The following SMC4 variants were observed in gnomAD, a reference collection of about 807,000 sequenced individuals.
The protein encoded by SMC4 is structural maintenance of chromosomes protein 4.
Under a neutral mutation model 145.6 loss-of-function variants are expected in SMC4, and 87 were observed. The observed-to-expected ratio is 0.60, with a 90% confidence interval of 0.50 to 0.71. The LOEUF (loss-of-function observed/expected upper bound fraction) is 0.71, where lower values mean the gene tolerates loss of function less well. Among genes scored for constraint, SMC4 ranks in the 30% least tolerant of loss-of-function variants. The pLI is 0.00. For missense variants in SMC4, 1,447 were observed against 1,537.1 expected (o/e 0.94, Z 0.98); for synonymous variants, 558 against 500.7 (o/e 1.11, Z -1.53).
Position 160,426,170 on chromosome 3 carries a change from C to G in SMC4, c.2575C>G (p.Leu859Val). ...TAPDKKKQKL[L>V]EENVSAFKTE... ...CCCTGACAAAAAAAAGCAGAAATTG[C>G]TAGAAGAAAACGTTAGTGCTTTCAA... Residue 859 changes from leucine (L) to valine (V), a missense_variant, in exon 17 of 24, where the codon CTA becomes GTA. Leu to Val is a conservative substitution (Grantham distance 32). Coordinates refer to ENST00000357388, the MANE Select transcript of SMC4 (RefSeq NM_001002800.3). The G allele has an allele frequency of 6.2e-7, 1 of 1,608,960 alleles. No individual in the cohort carries two copies. The highest frequency in any genetic ancestry group is 8.5e-7 in the Non-Finnish European group (1 of 1,177,678).
At chr3:160,419,234 T>C (rs185413670) in intron 11 of SMC4, 124 bp from the exon 12 acceptor site, 156 of 682,798 alleles carry the variant, frequency 2.3e-4, no homozygotes, top group Non-Finnish European at 3.1e-4. Flanking sequence ...TCAGTTTTGG[T>C]TCAAATTTTT....
rs753086451 is a variant in SMC4 at position 160,431,655 on chromosome 3, T to A, written c.3127T>A (p.Ser1043Thr). ...ATTGAACTTTTAGATTTCAAAAATATCACTGCATCCTATAGAAGATAATCC... is the reference window on the plus strand; with the variant it reads ...ATTGAACTTTTAGATTTCAAAAATAACACTGCATCCTATAGAAGATAATCC... ...KYWHKEISKI[S>T]LHPIEDNPIE... Residue 1043 changes from serine (S) to threonine (T), a missense_variant, in exon 21 of 24, where the codon TCA becomes ACA. Transcript: ENST00000357388. The A allele has an allele frequency of 1.9e-6, 3 of 1,580,804 alleles. No homozygotes were observed. Among genetic ancestry groups the A allele is most frequent in the Non-Finnish European group, 2.6e-6 (3 of 1,170,562 alleles).
chr3:160,427,678 AT>A (rs1304502867), intron 17 of SMC4, among the ~76,000 whole-genome samples: 1 of 152,202 alleles, frequency 6.6e-6, no homozygotes, highest in Non-Finnish European at 1.5e-5. Context: ...TGGAGGACCC[AT>A]TTGTGCAAGC....
intron 5 of SMC4, among the ~76,000 whole-genome samples, chr3:160,410,942 T>G (rs1270799117): frequency 6.6e-6 from 1 of 152,216 alleles, no homozygotes; most frequent in African/African-American, 2.4e-5. Flanking sequence ...GGTATATCTT[T>G]TTTCATTTGC....
chr3:160,433,426 G>GT, intron 23 of SMC4: 2 of 538,284 alleles, frequency 3.7e-6, no homozygotes, highest in Non-Finnish European at 6.5e-6. Context: ...ATGCAAATTA[G>GT]TAGCAGAATC....
At chr3:160,408,393 A>C (rs1274113875) in intron 5 of SMC4, among the ~76,000 whole-genome samples, 1 of 152,264 alleles carries the variant, frequency 6.6e-6, no homozygotes, top group East Asian at 1.9e-4. Flanking sequence ...TTTGCCACTC[A>C]AGAAAGTGTT....
intron 13 of SMC4, among the ~76,000 whole-genome samples, 153 bp downstream of exon 13, chr3:160,421,054 C>G (rs549249804): frequency 6.6e-6 from 1 of 152,176 alleles, no homozygotes; most frequent in Non-Finnish European, 1.5e-5. Context: ...CTCAGCCTCC[C>G]GAGTATCTGG....
chr3:160,404,469 A>C lies in SMC4; in HGVS notation c.652A>C (p.Ile218Leu), dbSNP rs1487064622. Residue 218 changes from isoleucine to leucine, a missense_variant, in exon 5 of 24, where the codon ATT (isoleucine) becomes CTT (leucine). Physicochemically the swap from Ile to Leu is conservative, Grantham distance 5. Transcript: ENST00000357388. ...DVGNLLRSHGIDLDHNRFLIL... is the reference protein window; with the variant it reads ...DVGNLLRSHGLDLDHNRFLIL... ...TGGAAATCTTCTTCGAAGCCATGGA[A>C]TTGACTTGGACCATAATAGATTTTT... 15 of 1,609,776 alleles carry C rather than the reference A, an allele frequency of 9.3e-6. No individual in the cohort carries two copies. The highest frequency in any genetic ancestry group is 1.3e-5 in the Non-Finnish European group (15 of 1,178,674).
chr3:160,423,349 GTTTT>G (rs369027493), intron 13 of SMC4, 72 bp from the exon 14 acceptor site: 5 of 812,588 alleles, frequency 6.2e-6, no homozygotes, highest in South Asian at 3.9e-5. Context: ...ATTCCTATGG[GTTTT>G]TTTTTGTTTT....
intron 17 of SMC4, among the ~76,000 whole-genome samples, 174 bp from the exon 18 acceptor site, chr3:160,428,579 A>G (rs1402547652): frequency 6.6e-6 from 1 of 151,652 alleles, no homozygotes; most frequent in African/African-American, 2.4e-5. Flanking sequence ...TTGTTGTAAC[A>G]CCATTTGTTT....
chr3:160,423,523 A>G lies in SMC4; in HGVS notation c.2118A>G (p.Gln706=), dbSNP rs199643843. The change falls in exon 14 of 24, where the codon CAA becomes CAG. Residue 706 remains glutamine, a synonymous_variant. Transcript: ENST00000357388. ...LVKVKDEKIR[Q]AFYFALRDTL... ...AAGTAAAAGATGAGAAAATTCGCCA[A>G]GCTTTTTATTTTGCTTTACGAGATA... The G allele has an allele frequency of 6.2e-7, 1 of 1,613,830 alleles. No homozygotes were observed. Among genetic ancestry groups the G allele is most frequent in the African/African-American group, 1.3e-5 (1 of 75,006 alleles).
At position 160,428,949 on chromosome 3, in the gene SMC4, T is replaced by C; in HGVS notation, c.2795+7T>C. On this transcript the variant is annotated splice_region_variant and intron_variant, in intron 18 of 23. Transcript: ENST00000357388. Reference sequence around the variant, plus strand: ...CAATCAAGACTGCTGACAGGTAGAGTATGCATGTTACCCTAACTTGTTTTC... The same window carrying C: ...CAATCAAGACTGCTGACAGGTAGAGCATGCATGTTACCCTAACTTGTTTTC... The C allele has an allele frequency of 6.4e-7, 1 of 1,568,366 alleles. No homozygotes were observed.
At position 160,433,807 on chromosome 3, in the gene SMC4, T is replaced by G; in HGVS notation, c.3865T>G (p.Ter1289GlyextTer4). Residue 1289 changes from the stop codon to glycine, a stop_lost, in exon 24 of 24, where the codon TGA (stop) becomes GGA (glycine). Coordinates refer to ENST00000357388, the MANE Select transcript of SMC4 (RefSeq NM_001002800.3). ...AGAAATTGCATCTAAGGGACTTTGT[T>G]GAACTTTATGCTGAAGATTCTTCAA... is the stretch of plus-strand genomic sequence containing the variant. Reference protein sequence around the residue: ...PKEIASKGLC* With the variant: ...PKEIASKGLCG The G allele has an allele frequency of 6.2e-7, 1 of 1,600,774 alleles. No individual in the cohort carries two copies.
intron 5 of SMC4, among the ~76,000 whole-genome samples, chr3:160,410,788 A>T (rs1715903517): frequency 1.3e-5 from 2 of 152,174 alleles, no homozygotes; most frequent in South Asian, 4.1e-4. Flanking sequence ...AGTAAGTTTT[A>T]CCCCACATTT....
intron 13 of SMC4, among the ~76,000 whole-genome samples, chr3:160,423,214 T>G (rs1717369095): frequency 6.6e-6 from 1 of 152,178 alleles, no homozygotes; most frequent in Non-Finnish European, 1.5e-5. Flanking sequence ...AATTTGTAGA[T>G]CAGTTTAGAT....
At chr3:160,411,736 C>T (rs1716007675) in intron 5 of SMC4, 184 bp from the exon 6 acceptor site, 2 of 469,822 alleles carry the variant, frequency 4.3e-6, no homozygotes, top group East Asian at 6.4e-5. Flanking sequence ...AAAATTAAAA[C>T]TCTTAGGAAT....
chr3:160,411,416 G>A (rs1715979669), intron 5 of SMC4, among the ~76,000 whole-genome samples: 1 of 152,154 alleles, frequency 6.6e-6, no homozygotes, highest in East Asian at 1.9e-4. Flanking sequence ...AACCATGTTT[G>A]TAGAGAAAGT....
In SMC4 at chr3:160,423,806, G is replaced by T. The variant is rs1387796029; in HGVS notation, c.2291G>T (p.Gly764Val). Residue 764 changes from glycine to valine, a missense_variant, in exon 15 of 24, where the codon GGT becomes GTT. Gly to Val is a moderately radical substitution (Grantham distance 109). Transcript: ENST00000357388. ...AGCAAAGTAATGAAAGGAAGAATGG[G>T]TTCCTCACTTGTTATTGAAATCTCT... ...GGSKVMKGRMGSSLVIEISEE... is the reference protein window; with the variant it reads ...GGSKVMKGRMVSSLVIEISEE... The T allele has an allele frequency of 4.3e-6, 7 of 1,613,182 alleles. No individual in the cohort carries two copies. The highest frequency in any genetic ancestry group is 5.9e-6 in the Non-Finnish European group (7 of 1,179,726).
At chr3:160,414,902 A>G (rs566624544) in intron 9 of SMC4, among the ~76,000 whole-genome samples, 1 of 152,320 alleles carries the variant, frequency 6.6e-6, no homozygotes, top group African/African-American at 2.4e-5. Context: ...TTACAATAAT[A>G]TGTTATTGGG....
Sources: gnomAD v4.1 joint callset for allele counts (sites outside exome capture counted in the v4.1 genomes callset) on GRCh38, gnomAD v4.1.1 for gene constraint, MANE v1.5 for transcripts, NCBI Gene and HGNC (gene_info 2026-07-23, HGNC 2026-07-21) for gene names.